Variants in WWOX observed in about 807,000 individuals in gnomAD.
WWOX encodes the protein WW domain containing oxidoreductase.
A neutral mutation model predicts 46.2 loss-of-function variants in WWOX; 69 were observed. The observed-to-expected ratio is 1.49, with a 90% CI of 1.23 to 1.82. WWOX has a LOEUF of 1.82. WWOX is among the 40% of genes most tolerant of loss of function. The pLI is 0.00. For missense variants in WWOX, 919 were observed against 542.6 expected (o/e 1.69, Z -6.89); for synonymous variants, 359 against 202.6 (o/e 1.77, Z -6.56).
At chr16:78,737,541 C>T (rs1445571295) in intron 8 of WWOX, among the ~76,000 whole-genome samples, 1 of 152,090 alleles carries the variant, frequency 6.6e-6, no homozygotes, top group Non-Finnish European at 1.5e-5. Context: ...ATCACCCGGG[C>T]AGTGTATACT....
chr16:79,051,651 G>T (rs2656661), intron 8 of WWOX, among the ~76,000 whole-genome samples: 102,038 of 151,586 alleles, frequency 0.67, 34,794 homozygotes, highest in African/African-American at 0.77. Context: ...ATCCTTTCAT[G>T]CCAGCAATTG....
At position 78,892,926 on chromosome 16, in the gene WWOX, G is replaced by A. The variant is rs530726030; in HGVS notation, c.1057-318682G>A. 3.9e-4 allele frequency among the ~76,000 whole-genome samples: 60 copies of A among 152,290 alleles called. 2 individuals are homozygous for A. In the South Asian group the frequency reaches 0.011, roughly 27 times the overall value. ...AGGCTTGGTTACAAAGGGCAATGAA[G>A]GGTCTTTTCTGTCCTTAAGCACTCA... is the stretch of plus-strand genomic sequence containing the variant. On this transcript the variant is annotated intron_variant, in intron 8 of 8. Transcript: ENST00000566780.
At chr16:79,153,512 C>T (rs2050321792) in intron 8 of WWOX, among the ~76,000 whole-genome samples, 1 of 152,144 alleles carries the variant, frequency 6.6e-6, no homozygotes. Flanking sequence ...GGAGAACAGC[C>T]CACGGCAATG....
At chr16:78,865,991 C>A (rs940824564) in intron 8 of WWOX, among the ~76,000 whole-genome samples, 2 of 152,196 alleles carry the variant, frequency 1.3e-5, no homozygotes, top group Admixed American at 1.3e-4. Context: ...TGATCACATA[C>A]TACGCAGAAA....
intron 8 of WWOX, chr16:79,202,489 A>G (rs2051376107): frequency 1.3e-5 from 2 of 152,234 alleles, no homozygotes; most frequent in African/African-American, 4.8e-5. Flanking sequence ...AAAGTATGAA[A>G]AAGCCCAAGC....
intron 8 of WWOX, among the ~76,000 whole-genome samples, chr16:79,177,839 T>C (rs1041870004): frequency 6.6e-6 from 1 of 152,220 alleles, no homozygotes; most frequent in African/African-American, 2.4e-5. Flanking sequence ...TTTCCTTACT[T>C]TGTTCAGGCT....
intron 5 of WWOX, among the ~76,000 whole-genome samples, chr16:78,360,524 G>T (rs1458627432): frequency 7.0e-6 from 1 of 142,770 alleles, no homozygotes; most frequent in Non-Finnish European, 1.5e-5. Flanking sequence ...GCTGGAGGCT[G>T]CAGTGAGCCA....
intron 8 of WWOX, among the ~76,000 whole-genome samples, chr16:78,746,951 T>C (rs2049361654): frequency 6.6e-6 from 1 of 152,068 alleles, no homozygotes; most frequent in Non-Finnish European, 1.5e-5. Flanking sequence ...TCCTATACCA[T>C]TTAGAATAAA....
chr16:78,761,259 G>A (rs982428386), intron 8 of WWOX, among the ~76,000 whole-genome samples: 1 of 152,134 alleles, frequency 6.6e-6, no homozygotes, highest in African/African-American at 2.4e-5. Flanking sequence ...AAGCAAAAGA[G>A]TTCAGAAAGC....
At chr16:78,740,112 C>T (rs1003242940) in intron 8 of WWOX, among the ~76,000 whole-genome samples, 2 of 152,124 alleles carry the variant, frequency 1.3e-5, no homozygotes, top group Non-Finnish European at 2.9e-5. Context: ...GCATTCGCCC[C>T]ATGCCATGTA....
intron 8 of WWOX, among the ~76,000 whole-genome samples, chr16:78,577,093 G>A (rs1269958484): frequency 6.6e-6 from 1 of 152,118 alleles, no homozygotes; most frequent in Non-Finnish European, 1.5e-5. Context: ...CATGAATTGG[G>A]GAACATTCTT....
At position 78,334,468 on chromosome 16, in the gene WWOX, C is replaced by T. The variant is rs182800672; in HGVS notation, c.517-52392C>T. On this transcript the variant is annotated intron_variant, in intron 5 of 8. Transcript: ENST00000566780. ...CCATTAAAGATACAGCAAGCACTTT[C>T]GGTGAGGTGTTACACAATTCATAGC... 1.4e-3 allele frequency among the ~76,000 whole-genome samples: 211 copies of T among 152,280 alleles called. 2 individuals are homozygous for T. The South Asian group carries it at 0.026, about 19-fold the overall frequency.
chr16:78,198,294 T>G (rs150440310), intron 5 of WWOX, among the ~76,000 whole-genome samples: 4 of 152,202 alleles, frequency 2.6e-5, no homozygotes, highest in Non-Finnish European at 5.9e-5. Flanking sequence ...CCAGAGGAAT[T>G]AGAATGAAAC....
intron 8 of WWOX, among the ~76,000 whole-genome samples, chr16:79,015,951 A>G (rs539171037): frequency 2.2e-4 from 34 of 152,130 alleles, no homozygotes; most frequent in Non-Finnish European, 4.6e-4. Context: ...GGATTTCGCC[A>G]TGTTGGCCAG....
chr16:79,095,784 A>G (rs2049055261), intron 8 of WWOX, among the ~76,000 whole-genome samples: 2 of 151,934 alleles, frequency 1.3e-5, no homozygotes, highest in African/African-American at 4.8e-5. Flanking sequence ...GACCTCAGAA[A>G]GCCGACTTCA....
chr16:78,455,488 A>G (rs527333614), intron 8 of WWOX, among the ~76,000 whole-genome samples: 22 of 151,888 alleles, frequency 1.4e-4, no homozygotes, highest in Middle Eastern at 3.4e-3. Context: ...TAAAAACACA[A>G]AAATTAGCTG....
intron 8 of WWOX, among the ~76,000 whole-genome samples, chr16:79,041,249 C>G (rs548255265): frequency 6.6e-6 from 1 of 152,140 alleles, no homozygotes; most frequent in Non-Finnish European, 1.5e-5. Flanking sequence ...TCTGTTAATT[C>G]TTGGCTTTCT....
chr16:78,534,019 G>A (rs2043696317), intron 8 of WWOX, among the ~76,000 whole-genome samples: 1 of 152,098 alleles, frequency 6.6e-6, no homozygotes, highest in Admixed American at 6.5e-5. Flanking sequence ...AATGAGTGAT[G>A]GGTAAGAGAG....
At chr16:78,524,353 A>C (rs565796783) in intron 8 of WWOX, among the ~76,000 whole-genome samples, 2 of 152,070 alleles carry the variant, frequency 1.3e-5, no homozygotes, top group Non-Finnish European at 2.9e-5. Context: ...TTAAAATGCA[A>C]CTTAATTGGT....
Sources: allele counts gnomAD v4.1 joint callset (sites outside exome capture counted in the v4.1 genomes callset), GRCh38; gene constraint gnomAD v4.1.1; transcripts MANE v1.5; gene names NCBI Gene and HGNC (gene_info 2026-07-23, HGNC 2026-07-21).